The following DNM3 variants were observed in gnomAD, a reference collection of about 807,000 sequenced individuals.
DNM3 encodes the protein dynamin 3.
Under a neutral mutation model 101.6 loss-of-function variants are expected in DNM3, and 47 were observed. The ratio of observed to expected loss-of-function variants is 0.46; its 90% CI spans 0.37 to 0.59. The LOEUF is 0.59. Ranked by LOEUF, DNM3 falls within the 20% of genes least tolerant of loss-of-function variation. DNM3 has a pLI of 0.00. For synonymous variants in DNM3, 385 were observed against 387.9 expected (o/e 0.99, Z 0.09); for missense variants, 849 against 1,085.7 (o/e 0.78, Z 3.06).
At chr1:172,293,858 A>G (rs1303116774) in intron 15 of DNM3, among the ~76,000 whole-genome samples, 1 of 152,216 alleles carries the variant, frequency 6.6e-6, no homozygotes, top group Non-Finnish European at 1.5e-5. Context: ...CTGAAAGAAA[A>G]TACTCTGGAG....
chr1:172,367,750 T>C (rs1471144667), intron 17 of DNM3, among the ~76,000 whole-genome samples: 3 of 151,920 alleles, frequency 2.0e-5, no homozygotes, highest in Non-Finnish European at 2.9e-5. Context: ...AATGAAAATA[T>C]ATATTCCATA....
chr1:172,106,847 CTTTTTT>C (rs1165611083), intron 13 of DNM3, among the ~76,000 whole-genome samples: 9 of 67,960 alleles, frequency 1.3e-4, no homozygotes, highest in South Asian at 8.0e-4. Flanking sequence ...TAACATTATT[CTTTTTT>C]TTTTTTTTTT....
At chr1:172,074,230 T>C (rs1345077831) in intron 11 of DNM3, among the ~76,000 whole-genome samples, 1 of 151,992 alleles carries the variant, frequency 6.6e-6, no homozygotes, top group Non-Finnish European at 1.5e-5. Flanking sequence ...CAATAGAGAG[T>C]AACCAGAGTG....
At chr1:172,336,787 A>G (rs995267477) in intron 17 of DNM3, among the ~76,000 whole-genome samples, 8 of 151,932 alleles carry the variant, frequency 5.3e-5, no homozygotes, top group African/African-American at 1.9e-4. Flanking sequence ...GGGATAAGGG[A>G]ATGCAGAGTT....
chr1:172,349,294 A>G (rs550905588), intron 17 of DNM3, among the ~76,000 whole-genome samples: 9 of 152,338 alleles, frequency 5.9e-5, no homozygotes, highest in African/African-American at 1.9e-4. Context: ...GTAAACTGGG[A>G]TAATAACACA....
chr1:172,175,841 T>A (rs976585819), intron 14 of DNM3, among the ~76,000 whole-genome samples: 1 of 151,792 alleles, frequency 6.6e-6, no homozygotes, highest in African/African-American at 2.4e-5. Context: ...ATTGGACAGG[T>A]CCAGCTAAAA....
At chr1:172,178,364 G>C (rs1558683102) in intron 14 of DNM3, among the ~76,000 whole-genome samples, 2 of 151,872 alleles carry the variant, frequency 1.3e-5, no homozygotes, top group Non-Finnish European at 2.9e-5. Context: ...TTTCCATTGA[G>C]AGTAATTTAT....
intron 15 of DNM3, among the ~76,000 whole-genome samples, chr1:172,301,852 C>A (rs923934104): frequency 6.6e-6 from 1 of 151,970 alleles, no homozygotes; most frequent in Non-Finnish European, 1.5e-5. Context: ...GAAATAGAAC[C>A]TCAACTATCT....
intron 15 of DNM3, among the ~76,000 whole-genome samples, chr1:172,292,799 T>TA (rs1210746567): frequency 6.6e-6 from 1 of 152,132 alleles, no homozygotes; most frequent in Non-Finnish European, 1.5e-5. Context: ...GTTTACTATT[T>TA]AAAAAAATGT....
intron 4 of DNM3, among the ~76,000 whole-genome samples, chr1:171,999,282 G>A (rs559157285): frequency 2.6e-5 from 4 of 152,228 alleles, no homozygotes; most frequent in African/African-American, 9.6e-5. Context: ...AGAGCTGATA[G>A]ACTTTACTAA....
At chr1:171,845,909 T>G (rs2032011874) in intron 1 of DNM3, among the ~76,000 whole-genome samples, 1 of 152,230 alleles carries the variant, frequency 6.6e-6, no homozygotes, top group African/African-American at 2.4e-5. Flanking sequence ...CATTATTTTA[T>G]TCTAGTCTGA....
chr1:172,122,209 CAA>C (rs2056365690), intron 13 of DNM3, among the ~76,000 whole-genome samples: 1 of 152,150 alleles, frequency 6.6e-6, no homozygotes, highest in Non-Finnish European at 1.5e-5. Context: ...GTTTTACCAT[CAA>C]GTTTCAATCA....
At chr1:172,187,633 T>G (rs1221150504) in intron 14 of DNM3, among the ~76,000 whole-genome samples, 1 of 152,084 alleles carries the variant, frequency 6.6e-6, no homozygotes, top group Non-Finnish European at 1.5e-5. Flanking sequence ...CAGGGGTCCT[T>G]AATATGTGAC....
chr1:171,895,993 T>G (rs2037757626), intron 1 of DNM3, among the ~76,000 whole-genome samples: 1 of 152,190 alleles, frequency 6.6e-6, no homozygotes, highest in African/African-American at 2.4e-5. Context: ...GTTCCATTGA[T>G]CTATATCTCT....
intron 11 of DNM3, among the ~76,000 whole-genome samples, chr1:172,072,993 G>A (rs2052326785): frequency 6.6e-6 from 1 of 152,148 alleles, no homozygotes; most frequent in South Asian, 2.1e-4. Context: ...TATCATGCTA[G>A]GCTCTAAGTT....
intron 20 of DNM3, chr1:172,399,860 G>T (rs2070329411): frequency 6.6e-6 from 1 of 150,592 alleles, no homozygotes; most frequent in African/African-American, 2.5e-5. Context: ...GAAAGAAAAT[G>T]TTGGTGCTAC....
At chr1:172,354,381 C>T (rs994637325) in intron 17 of DNM3, among the ~76,000 whole-genome samples, 3 of 152,076 alleles carry the variant, frequency 2.0e-5, no homozygotes, top group African/African-American at 7.2e-5. Context: ...GTTTATCACA[C>T]AGAAATAGGA....
intron 10 of DNM3, among the ~76,000 whole-genome samples, chr1:172,061,347 G>A (rs2051179467): frequency 6.9e-6 from 1 of 143,960 alleles, no homozygotes; most frequent in Admixed American, 7.0e-5. Context: ...CCCATTACTG[G>A]GTATGTACCC....
intron 15 of DNM3, among the ~76,000 whole-genome samples, chr1:172,287,784 AATAT>A (rs1243819649): frequency 7.0e-6 from 1 of 142,848 alleles, no homozygotes; most frequent in Non-Finnish European, 1.5e-5. Flanking sequence ...ATATATATAA[AATAT>A]ATATATATAT....
Sources: allele counts gnomAD v4.1 joint callset (sites outside exome capture counted in the v4.1 genomes callset), GRCh38; gene constraint gnomAD v4.1.1; transcripts MANE v1.5; gene names NCBI Gene and HGNC (gene_info 2026-07-23, HGNC 2026-07-21).